Variants in SUGP1 observed in about 807,000 individuals in gnomAD.
SUGP1 encodes the protein SURP and G-patch domain-containing protein 1.
A neutral mutation model predicts 76.5 loss-of-function variants in SUGP1; 34 were observed. The observed-to-expected ratio is 0.44, with a 90% CI of 0.34 to 0.59. SUGP1 has a LOEUF of 0.59. SUGP1 is among the 20% of genes least tolerant of loss of function. SUGP1 has a pLI of 0.01. For synonymous variants in SUGP1, 326 were observed against 326.2 expected, an observed-to-expected ratio of 1.00 and a Z score of 0.01; for missense variants, 752 against 851.7, an observed-to-expected ratio of 0.88 and a Z score of 1.46.
intron 7 of SUGP1, among the ~76,000 whole-genome samples, chr19:19,300,787 T>C (rs1352012127): frequency 1.3e-5 from 2 of 152,060 alleles, no homozygotes; most frequent in African/African-American, 4.8e-5. Flanking sequence ...CAGCCACACC[T>C]GACAAGCTGG....
chr19:19,289,648 T>C (rs2061166683), intron 8 of SUGP1, among the ~76,000 whole-genome samples: 1 of 152,068 alleles, frequency 6.6e-6, no homozygotes. Context: ...CTCGGGAGAC[T>C]GAGGCAGGAG....
intron 8 of SUGP1, among the ~76,000 whole-genome samples, chr19:19,288,946 C>T (rs918165330): frequency 3.3e-5 from 5 of 151,854 alleles, no homozygotes; most frequent in East Asian, 2.0e-4. Context: ...CCACCATGCC[C>T]GGCTAATTTT....
intron 4 of SUGP1, among the ~76,000 whole-genome samples, chr19:19,304,586 G>A (rs1306551356): frequency 2.6e-5 from 4 of 152,164 alleles, no homozygotes; most frequent in South Asian, 2.1e-4. Context: ...TTTTATATAC[G>A]GATTAGCCTC....
intron 12 of SUGP1, among the ~76,000 whole-genome samples, chr19:19,277,295 G>A (rs1051078644): frequency 1.3e-5 from 2 of 152,052 alleles, no homozygotes; most frequent in Admixed American, 6.5e-5. Context: ...CAGGAAGGAG[G>A]AGCCCACAGT....
At chr19:19,284,276 C>T (rs2061122532) in intron 8 of SUGP1, among the ~76,000 whole-genome samples, 1 of 152,094 alleles carries the variant, frequency 6.6e-6, no homozygotes, top group South Asian at 2.1e-4. Flanking sequence ...ACCTGGGCAA[C>T]AGAGCAAGAC....
At chr19:19,279,585 G>A (rs551747362) in intron 9 of SUGP1, among the ~76,000 whole-genome samples, 195 bp from the exon 10 acceptor site, 65 of 152,322 alleles carry the variant, frequency 4.3e-4, no homozygotes, top group African/African-American at 1.5e-3. Context: ...TGTGGAGCAC[G>A]GAGGACCTCT....
intron 7 of SUGP1, among the ~76,000 whole-genome samples, chr19:19,298,269 G>T (rs1246124348): frequency 6.6e-6 from 1 of 152,140 alleles, no homozygotes; most frequent in Non-Finnish European, 1.5e-5. Context: ...AGGCCGAGGC[G>T]GGCAGATCAC....
rs142517328 is a variant in SUGP1 at position 19,293,190 on chromosome 19, G to A, written c.1243+3799C>T. 1.9e-3 allele frequency among the ~76,000 whole-genome samples: 287 copies of A among 151,984 alleles called. 6 individuals carry two copies. The East Asian group carries it at 0.024, about 13-fold the overall frequency. On this transcript the variant is annotated intron_variant, in intron 8 of 13. Transcript: ENST00000247001. ...CTCCCAAAGTGCTGGGATTACAGGC[G>A]TGAGTCACCGTGCCTGGCCTGTTTT...
chr19:19,276,543 G>A lies in SUGP1; in HGVS notation c.*105C>T, dbSNP rs1049447086. ...GATGAGCACTGGGACTTTATTACAC[G>A]GCACGGCACTCGTGACAACGGAAGG... On this transcript the variant is annotated 3_prime_UTR_variant, in exon 14 of 14. Coordinates refer to ENST00000247001, the MANE Select transcript of SUGP1 (RefSeq NM_172231.4). 19 of 1,409,150 alleles carry A rather than the reference G, an allele frequency of 1.3e-5. No homozygotes were observed. The highest frequency in any genetic ancestry group is 8.7e-5 in the Admixed American group (5 of 57,472). The allele number at this position is 1,409,150 out of a possible 1,614,324, so 87.3% of individuals were successfully genotyped here.
intron 8 of SUGP1, chr19:19,280,538 G>A (rs2061090426): frequency 4.2e-6 from 2 of 479,538 alleles, no homozygotes; most frequent in South Asian, 6.2e-5. Flanking sequence ...CCACATTGCA[G>A]ATGTGGACAC....
At chr19:19,303,256 C>T in intron 6 of SUGP1, 92 bp downstream of exon 6, 1 of 1,085,912 alleles carries the variant, frequency 9.2e-7, no homozygotes, top group South Asian at 1.3e-5. Flanking sequence ...CACACAGTGC[C>T]ACTCCAGCAC....
In SUGP1 at chr19:19,277,031, C is replaced by T. The variant is rs753670800; in HGVS notation, c.1827G>A (p.Pro609=). 36 of 1,612,710 alleles carry T rather than the reference C, an allele frequency of 2.2e-5. No homozygotes were observed. Among genetic ancestry groups the T allele is most frequent in the African/African-American group, 1.2e-4 (9 of 75,044 alleles). ...VDGAGFGIDR[P]AELSKEDDEY... ...CGTCGTCCTCCTTGGAGAGCTCCGCCGGCCGGTCAATGCCGAAGCCAGCGC... is the reference window on the plus strand; with the variant it reads ...CGTCGTCCTCCTTGGAGAGCTCCGCTGGCCGGTCAATGCCGAAGCCAGCGC... Residue 609 remains proline (P), a synonymous_variant, in exon 13 of 14, where the codon CCG becomes CCA. Transcript: ENST00000247001.
chr19:19,311,745 A>G (rs1047905985), intron 2 of SUGP1, among the ~76,000 whole-genome samples: 21 of 151,290 alleles, frequency 1.4e-4, no homozygotes, highest in East Asian at 1.2e-3. Context: ...AAAAAAAAAA[A>G]AAAAGAAATG....
rs765878172 is a variant in SUGP1, at chr19:19,280,146, G to C, written c.1350+39C>G. 6 of 1,590,018 alleles carry C rather than the reference G, an allele frequency of 3.8e-6. No individual in the cohort carries two copies. In the Admixed American group the frequency reaches 1.0e-4, roughly 27 times the overall value. ...GGGTAGAGGACAACACTCTATGGGC[G>C]CCGACCATGTCCCCGTCCCCTTGTC... is the stretch of plus-strand genomic sequence containing the variant. On this transcript the variant is annotated intron_variant, in intron 9 of 13. Coordinates refer to ENST00000247001, the MANE Select transcript of SUGP1 (RefSeq NM_172231.4).
chr19:19,318,486 T>C (rs956324533), intron 1 of SUGP1, among the ~76,000 whole-genome samples: 3 of 152,066 alleles, frequency 2.0e-5, no homozygotes, highest in East Asian at 1.9e-4. Context: ...AGGAGTGCAG[T>C]TGCATGATCG....
At chr19:19,305,385 G>A (rs1178113562) in intron 4 of SUGP1, among the ~76,000 whole-genome samples, 1 of 152,190 alleles carries the variant, frequency 6.6e-6, no homozygotes, top group Admixed American at 6.5e-5. Context: ...TCCTTTCCCA[G>A]GGATAGAAGA....
At position 19,279,309 on chromosome 19, in the gene SUGP1, G is replaced by A; in HGVS notation, c.1432C>T (p.Gln478Ter). ...MQLLWEKAVQQHQHGYDSDEE... is the reference protein window; with the variant it reads ...MQLLWEKAVQ ...TCACTGTCATAGCCGTGCTGGTGCT[G>A]TTGGACTGCCTTCTCCCACAGCAGC... Residue 478 changes from glutamine to a stop codon, truncating the protein, a stop_gained, in exon 10 of 14, where the codon CAG becomes TAG. Transcript: ENST00000247001. LOFTEE classifies it high-confidence loss of function. 1 of 1,611,354 alleles carries A rather than the reference G, an allele frequency of 6.2e-7. No homozygotes were observed. Among genetic ancestry groups the A allele is most frequent in the Non-Finnish European group, 8.5e-7 (1 of 1,179,842 alleles).
At chr19:19,286,327 C>T (rs368596014) in intron 8 of SUGP1, among the ~76,000 whole-genome samples, 3 of 152,124 alleles carry the variant, frequency 2.0e-5, no homozygotes, top group Admixed American at 6.6e-5. Context: ...TCATAACACA[C>T]GTACTCTATG....
Position 19,280,523 on chromosome 19 carries a change from C to T in SUGP1, c.1244-232G>A, listed in dbSNP as rs1307616586. On this transcript the variant is annotated intron_variant, in intron 8 of 13. Coordinates refer to ENST00000247001, the MANE Select transcript of SUGP1 (RefSeq NM_172231.4). Reference sequence around the variant, plus strand: ...GTGACCTCTCCAGCCAGGCTCTACGCACCACCACATTGCAGATGTGGACAC... The same window carrying T: ...GTGACCTCTCCAGCCAGGCTCTACGTACCACCACATTGCAGATGTGGACAC... 1.5e-5 allele frequency: 8 copies of T among 528,494 alleles called. No individual in the cohort carries two copies. The Admixed American group carries it at 1.6e-4, about 10-fold the overall frequency. The allele number at this position is 528,494 out of a possible 1,614,324, so 32.7% of individuals were successfully genotyped here.
Sources: allele counts gnomAD v4.1 joint callset (sites outside exome capture counted in the v4.1 genomes callset), GRCh38; gene constraint gnomAD v4.1.1; transcripts MANE v1.5; gene names NCBI Gene and HGNC (gene_info 2026-07-23, HGNC 2026-07-21).